Variants in PRKG1 observed in about 807,000 individuals in gnomAD.
The protein encoded by PRKG1 is protein kinase cGMP-dependent 1, also known as cGMP-dependent protein kinase 1.
Under a neutral mutation model 88.1 loss-of-function variants are expected in PRKG1, and 35 were observed. The ratio of observed to expected loss-of-function variants is 0.40; its 90% CI spans 0.30 to 0.53. PRKG1 has a LOEUF of 0.53. Ranked by LOEUF, PRKG1 falls within the 20% of genes least tolerant of loss-of-function variation. The pLI is 0.59. For missense variants in PRKG1, 540 were observed against 839.8 expected, an observed-to-expected ratio of 0.64 and a Z score of 4.41; for synonymous variants, 303 against 292.5, an observed-to-expected ratio of 1.04 and a Z score of -0.37.
At chr10:51,732,803 T>C (rs948600532) in intron 3 of PRKG1, among the ~76,000 whole-genome samples, 1 of 152,144 alleles carries the variant, frequency 6.6e-6, no homozygotes, top group Non-Finnish European at 1.5e-5. Context: ...TTAATAAAAA[T>C]TATAAGCTAG....
intron 3 of PRKG1, among the ~76,000 whole-genome samples, chr10:51,511,913 T>C (rs1841423900): frequency 6.6e-6 from 1 of 152,244 alleles, no homozygotes; most frequent in African/African-American, 2.4e-5. Context: ...AAATTAACTG[T>C]GGTGTATTCA....
At chr10:51,297,517 A>G (rs1589328247) in intron 2 of PRKG1, among the ~76,000 whole-genome samples, 1 of 152,092 alleles carries the variant, frequency 6.6e-6, no homozygotes, top group African/African-American at 2.4e-5. Context: ...AACTTTGACA[A>G]CACCTCTTAA....
chr10:51,042,210 A>G (rs984795751), intron 1 of PRKG1, among the ~76,000 whole-genome samples: 10 of 152,182 alleles, frequency 6.6e-5, no homozygotes, highest in African/African-American at 2.4e-4. Flanking sequence ...GTAAAGCATT[A>G]GTCAGATTAA....
chr10:52,016,235 C>T (rs373721683), intron 5 of PRKG1, among the ~76,000 whole-genome samples: 1 of 152,170 alleles, frequency 6.6e-6, no homozygotes, highest in African/African-American at 2.4e-5. Context: ...CTCACAGTTC[C>T]ACATGACTGG....
intron 1 of PRKG1, among the ~76,000 whole-genome samples, chr10:51,051,912 A>G (rs1222601958): frequency 6.6e-6 from 1 of 152,188 alleles, no homozygotes; most frequent in Non-Finnish European, 1.5e-5. Flanking sequence ...TATTAACCCT[A>G]ACTAACACAT....
At chr10:52,157,866 A>C (rs527903489) in intron 8 of PRKG1, among the ~76,000 whole-genome samples, 1 of 151,568 alleles carries the variant, frequency 6.6e-6, no homozygotes, top group Non-Finnish European at 1.5e-5. Flanking sequence ...CCATCATTAA[A>C]CATGAAAGGG....
intron 9 of PRKG1, among the ~76,000 whole-genome samples, chr10:52,206,828 C>T (rs1267793387): frequency 6.6e-6 from 1 of 152,194 alleles, no homozygotes; most frequent in African/African-American, 2.4e-5. Flanking sequence ...GGCCACAACA[C>T]TGATGGGGGT....
intron 9 of PRKG1, among the ~76,000 whole-genome samples, chr10:52,178,210 T>C (rs1838917757): frequency 6.6e-6 from 1 of 152,100 alleles, no homozygotes; most frequent in Non-Finnish European, 1.5e-5. Context: ...CATTTCTATT[T>C]TCATATGTTT....
At chr10:51,140,988 A>G (rs1431137211) in intron 1 of PRKG1, among the ~76,000 whole-genome samples, 1 of 152,158 alleles carries the variant, frequency 6.6e-6, no homozygotes. Flanking sequence ...AAGAGCCTAT[A>G]TCTTGGGCTT....
intron 3 of PRKG1, among the ~76,000 whole-genome samples, chr10:51,604,525 G>A (rs546959723): frequency 1.4e-4 from 21 of 152,264 alleles, no homozygotes; most frequent in South Asian, 6.2e-4. Flanking sequence ...ATGGGCTCTC[G>A]CCACACAGAT....
intron 4 of PRKG1, among the ~76,000 whole-genome samples, chr10:51,843,022 T>A (rs1176040175): frequency 6.6e-6 from 1 of 151,336 alleles, no homozygotes; most frequent in Non-Finnish European, 1.5e-5. Flanking sequence ...ATAGTACAGA[T>A]CATCACTAAA....
chr10:52,093,867 T>A (rs1272354633), intron 7 of PRKG1, among the ~76,000 whole-genome samples: 1 of 152,096 alleles, frequency 6.6e-6, no homozygotes, highest in Non-Finnish European at 1.5e-5. Context: ...AACTATAGAC[T>A]CTTCTACAAA....
intron 5 of PRKG1, among the ~76,000 whole-genome samples, chr10:51,974,755 A>C (rs549137857): frequency 8.5e-5 from 13 of 152,222 alleles, no homozygotes; most frequent in Admixed American, 2.0e-4. Context: ...TGAACCCCAA[A>C]GGAATTGGCT....
intron 2 of PRKG1, among the ~76,000 whole-genome samples, chr10:51,169,309 G>A (rs989170236): frequency 1.3e-5 from 2 of 152,070 alleles, no homozygotes; most frequent in Non-Finnish European, 2.9e-5. Flanking sequence ...GTGAGCTACC[G>A]ATTGGATGTC....
At chr10:51,152,965 A>G (rs557321195) in intron 1 of PRKG1, among the ~76,000 whole-genome samples, 199 bp from the exon 2 acceptor site, 105 of 143,678 alleles carry the variant, frequency 7.3e-4, no homozygotes, top group African/African-American at 2.4e-3. Flanking sequence ...CTTAAAAAAA[A>G]TTCTTAGTGC....
At chr10:51,896,419 G>A (rs1207356721) in intron 4 of PRKG1, among the ~76,000 whole-genome samples, 1 of 151,740 alleles carries the variant, frequency 6.6e-6, no homozygotes, top group Non-Finnish European at 1.5e-5. Context: ...TTGAGGTAAA[G>A]AATCTGAGGC....
At position 51,389,316 on chromosome 10, in the gene PRKG1, C is replaced by T. The variant is rs551050154; in HGVS notation, c.479-78407C>T. On this transcript the variant is annotated intron_variant, in intron 2 of 17. Transcript: ENST00000373980. Reference sequence around the variant, plus strand: ...AGAAATAACTTTTTTATTCCTTATCCTGGTGCCCCATGCCACAGAATAAAA... The same window carrying T: ...AGAAATAACTTTTTTATTCCTTATCTTGGTGCCCCATGCCACAGAATAAAA... Among the ~76,000 whole-genome samples the T allele has an allele frequency of 3.9e-5, 6 of 152,216 alleles. No individual in the cohort carries two copies. In the East Asian group the frequency reaches 5.8e-4, roughly 15 times the overall value.
chr10:51,843,990 A>G (rs1840341371), intron 4 of PRKG1, among the ~76,000 whole-genome samples: 2 of 152,172 alleles, frequency 1.3e-5, no homozygotes, highest in Admixed American at 1.3e-4. Flanking sequence ...TCAGGAGTAT[A>G]CATAGTACTA....
In PRKG1 at chr10:51,714,800, A is replaced by T. The variant is rs570316369; in HGVS notation, c.593-89785A>T. Reference sequence around the variant, plus strand: ...TCACGAAATGCAGGAAACAACCTAAATATATATTAACAGTGAATTAGATAA... The same window carrying T: ...TCACGAAATGCAGGAAACAACCTAATTATATATTAACAGTGAATTAGATAA... On this transcript the variant is annotated intron_variant, in intron 3 of 17. Transcript: ENST00000373980. Among the ~76,000 whole-genome samples the T allele has an allele frequency of 1.5e-3, 229 of 152,366 alleles. 1 individual carries two copies. Among genetic ancestry groups the T allele is most frequent in the African/African-American group, 5.3e-3 (221 of 41,588 alleles).
Sources: allele counts gnomAD v4.1 joint callset (sites outside exome capture counted in the v4.1 genomes callset), GRCh38; gene constraint gnomAD v4.1.1; transcripts MANE v1.5; gene names NCBI Gene and HGNC (gene_info 2026-07-23, HGNC 2026-07-21).